The following PPARGC1A variants were observed in gnomAD, a reference collection of about 807,000 sequenced individuals.
PPARGC1A encodes peroxisome proliferator-activated receptor gamma coactivator 1-alpha.
A neutral mutation model predicts 88.7 loss-of-function variants in PPARGC1A; 25 were observed. The observed-to-expected ratio is 0.28, with a 90% CI of 0.21 to 0.39. The LOEUF is 0.39. Ranked by LOEUF, PPARGC1A falls within the 10% of genes least tolerant of loss-of-function variation. PPARGC1A has a pLI of 1.00. For missense variants in PPARGC1A, 880 were observed against 968.7 expected, an observed-to-expected ratio of 0.91 and a Z score of 1.22; for synonymous variants, 363 against 355.6, an observed-to-expected ratio of 1.02 and a Z score of -0.24.
At chr4:23,907,846 C>G (rs1287771952), upstream of PPARGC1A, among the ~76,000 whole-genome samples, 1 of 152,076 alleles carries the variant, frequency 6.6e-6, no homozygotes, top group Non-Finnish European at 1.5e-5. Flanking sequence ...TGTTTTATCC[C>G]ATGAAGTGGG....
the PPARGC1A span, among the ~76,000 whole-genome samples, chr4:23,932,122 C>T: frequency 9.2e-5 from 14 of 152,112 alleles, no homozygotes; most frequent in East Asian, 1.4e-3. Flanking sequence ...ATTCAACAAA[C>T]GGAAATAGCA....
chr4:24,424,259 T>A, the PPARGC1A span, among the ~76,000 whole-genome samples: 2 of 24,970 alleles, frequency 8.0e-5, no homozygotes, highest in East Asian at 1.7e-3. Context: ...ATACACACAC[T>A]TTTTTTTTTT....
the PPARGC1A span, among the ~76,000 whole-genome samples, chr4:24,162,089 T>C: frequency 6.6e-6 from 1 of 151,888 alleles, no homozygotes; most frequent in East Asian, 1.9e-4. Context: ...TTGGAGACCA[T>C]TATTCTAAGT....
the PPARGC1A span, among the ~76,000 whole-genome samples, chr4:24,441,497 T>G: frequency 6.6e-6 from 1 of 151,880 alleles, no homozygotes; most frequent in Admixed American, 6.6e-5. Context: ...GGGCCAGAAG[T>G]AGGGAAGAGG....
the PPARGC1A span, among the ~76,000 whole-genome samples, chr4:24,198,714 A>C: frequency 6.6e-6 from 1 of 152,144 alleles, no homozygotes; most frequent in Admixed American, 6.5e-5. Flanking sequence ...GGTTCAGGGA[A>C]GCTGGAATAA....
the PPARGC1A span, among the ~76,000 whole-genome samples, chr4:24,238,764 T>A: frequency 1.3e-5 from 2 of 150,284 alleles, no homozygotes; most frequent in African/African-American, 4.9e-5. Flanking sequence ...TGTGTGTGTG[T>A]GTGTGTGTGT....
chr4:24,101,011 G>A, the PPARGC1A span, among the ~76,000 whole-genome samples: 2 of 152,202 alleles, frequency 1.3e-5, no homozygotes, highest in South Asian at 4.1e-4. Flanking sequence ...GGTGGTAAGA[G>A]TAGAAAGACA....
At chr4:23,876,994 C>T (rs894605120) in intron 2 of PPARGC1A, among the ~76,000 whole-genome samples, 10 of 152,250 alleles carry the variant, frequency 6.6e-5, no homozygotes, top group African/African-American at 2.4e-4. Context: ...CAAATCACTC[C>T]ATCATTTTGG....
At chr4:24,286,180 C>T in the PPARGC1A span, among the ~76,000 whole-genome samples, 1 of 152,014 alleles carries the variant, frequency 6.6e-6, no homozygotes, top group Non-Finnish European at 1.5e-5. Context: ...TTCAATTGTC[C>T]AAGCAGTCAG....
the PPARGC1A span, among the ~76,000 whole-genome samples, chr4:24,273,724 ACTT>A: frequency 1.9e-5 from 2 of 107,308 alleles, no homozygotes; most frequent in African/African-American, 7.3e-5. Flanking sequence ...CCCTTGGGGC[ACTT>A]TTTTTTTTTT....
At chr4:23,816,502 A>G (rs1433898418) in intron 7 of PPARGC1A, among the ~76,000 whole-genome samples, 2 of 152,068 alleles carry the variant, frequency 1.3e-5, no homozygotes, top group Non-Finnish European at 1.5e-5. Context: ...GATTTCTTCT[A>G]CATGCTACCT....
chr4:24,353,642 G>A, the PPARGC1A span, among the ~76,000 whole-genome samples: 2 of 152,168 alleles, frequency 1.3e-5, no homozygotes, highest in Non-Finnish European at 2.9e-5. Context: ...AGATTGTTGT[G>A]AGAGTTAAGT....
chr4:24,007,455 T>TA, the PPARGC1A span, among the ~76,000 whole-genome samples: 4 of 151,894 alleles, frequency 2.6e-5, no homozygotes, highest in African/African-American at 9.7e-5. Flanking sequence ...AGTAAAGGAC[T>TA]CCATGGAGAG....
intron 12 of PPARGC1A, among the ~76,000 whole-genome samples, chr4:23,800,572 G>A (rs2109335623): frequency 6.6e-6 from 1 of 150,800 alleles, no homozygotes; most frequent in Non-Finnish European, 1.5e-5. Flanking sequence ...TATATTAATT[G>A]AGAAAAGTAG....
At chr4:24,342,521 AT>A in the PPARGC1A span, among the ~76,000 whole-genome samples, 1 of 152,084 alleles carries the variant, frequency 6.6e-6, no homozygotes, top group East Asian at 1.9e-4. Flanking sequence ...AACCCCATTG[AT>A]TTTTCTTTCA....
chr4:24,168,028 T>G, the PPARGC1A span, among the ~76,000 whole-genome samples: 3,512 of 152,272 alleles, frequency 0.023, 110 homozygotes, highest in East Asian at 0.1. Flanking sequence ...GTGCTGAGAT[T>G]ACAGGCATGA....
At chr4:24,407,938 T>G in the PPARGC1A span, among the ~76,000 whole-genome samples, 1 of 152,168 alleles carries the variant, frequency 6.6e-6, no homozygotes, top group African/African-American at 2.4e-5. Flanking sequence ...ACTTAAAATC[T>G]TCTTCTTAAA....
At chr4:24,083,989 T>C in the PPARGC1A span, among the ~76,000 whole-genome samples, 1 of 152,236 alleles carries the variant, frequency 6.6e-6, no homozygotes. Context: ...ATTACTATCA[T>C]TATCCAAGTT....
At chr4:23,924,567 A>G in the PPARGC1A span, among the ~76,000 whole-genome samples, 2 of 151,978 alleles carry the variant, frequency 1.3e-5, no homozygotes. Context: ...GGTTGCAGTA[A>G]GCCGAGATCA....
Sources: allele counts gnomAD v4.1 joint callset (sites outside exome capture counted in the v4.1 genomes callset), GRCh38; gene constraint gnomAD v4.1.1; transcripts MANE v1.5; gene names NCBI Gene and HGNC (gene_info 2026-07-23, HGNC 2026-07-21).